NRXN3: variants seen among roughly 807,000 people sequenced by gnomAD.
NRXN3 encodes the protein neurexin 3.
A neutral mutation model predicts 137.6 loss-of-function variants in NRXN3; 32 were observed. The observed-to-expected ratio is 0.23, with a 90% CI of 0.18 to 0.31. NRXN3 has a LOEUF of 0.31. NRXN3 is among the 10% of genes least tolerant of loss of function. The pLI, the probability that NRXN3 is intolerant of heterozygous loss-of-function variation, is 1.00. For synonymous variants in NRXN3, 798 were observed against 784.5 expected (o/e 1.02, Z -0.29); for missense variants, 1,574 against 2,062.5 (o/e 0.76, Z 4.59).
At chr14:79,594,236 T>C (rs1206629064) in intron 16 of NRXN3, among the ~76,000 whole-genome samples, 2 of 152,166 alleles carry the variant, frequency 1.3e-5, no homozygotes, top group Non-Finnish European at 2.9e-5. Context: ...CATAAATGCA[T>C]TGATATTTTA....
chr14:79,659,920 T>C (rs2098525160), intron 16 of NRXN3, among the ~76,000 whole-genome samples: 1 of 152,170 alleles, frequency 6.6e-6, no homozygotes, highest in African/African-American at 2.4e-5. Flanking sequence ...TCCTGATCTG[T>C]TTTATCTCAT....
In NRXN3 at chr14:79,010,589, T is replaced by C. The variant is rs146923042; in HGVS notation, c.3262+22448T>C. On this transcript the variant is annotated intron_variant, in intron 15 of 20. Coordinates refer to ENST00000335750, the MANE Select transcript of NRXN3 (RefSeq NM_001330195.2). ...TATTTCATGGATTTTGTTCTGCCTT[T>C]ATTGACACAGTTAGACATTAAAGAG... Among the ~76,000 whole-genome samples the C allele has an allele frequency of 2.4e-3, 368 of 152,316 alleles. 2 individuals are homozygous for C. The highest frequency in any genetic ancestry group is 8.0e-3 in the African/African-American group (333 of 41,560).
chr14:78,807,009 A>G (rs2098875635), intron 9 of NRXN3, among the ~76,000 whole-genome samples: 1 of 152,232 alleles, frequency 6.6e-6, no homozygotes, highest in Non-Finnish European at 1.5e-5. Context: ...AGCTGGAACT[A>G]GAACCCATGT....
intron 15 of NRXN3, among the ~76,000 whole-genome samples, chr14:79,095,249 T>C (rs1455267084): frequency 6.6e-6 from 1 of 152,170 alleles, no homozygotes; most frequent in Non-Finnish European, 1.5e-5. Context: ...CCAATTTAAC[T>C]TGCTGCCGCT....
At chr14:78,362,732 C>G (rs2085318203) in intron 4 of NRXN3, among the ~76,000 whole-genome samples, 1 of 152,216 alleles carries the variant, frequency 6.6e-6, no homozygotes, top group Admixed American at 6.5e-5. Flanking sequence ...TCCAAGCTCA[C>G]TGTTTTCCCT....
intron 8 of NRXN3, among the ~76,000 whole-genome samples, chr14:78,796,032 A>C (rs1038724085): frequency 2.0e-5 from 3 of 152,210 alleles, no homozygotes; most frequent in Non-Finnish European, 2.9e-5. Context: ...TCAACCCCAG[A>C]AGAGGCAGGC....
Position 78,951,768 on chromosome 14 carries a change from T to C in NRXN3, c.2276-5474T>C, listed in dbSNP as rs115903237. 6.3e-3 allele frequency among the ~76,000 whole-genome samples: 958 copies of C among 152,268 alleles called. 12 individuals are homozygous for C. The highest frequency in any genetic ancestry group is 0.022 in the African/African-American group (923 of 41,540). On this transcript the variant is annotated intron_variant, in intron 10 of 20. Transcript: ENST00000335750. ...AATGTGACCACAGTGCCTGGTTGCCTTCTGATGCTCAATTAGCATTTGTGA... is the reference window on the plus strand; with the variant it reads ...AATGTGACCACAGTGCCTGGTTGCCCTCTGATGCTCAATTAGCATTTGTGA...
At chr14:78,819,796 T>G (rs908957402) in intron 10 of NRXN3, among the ~76,000 whole-genome samples, 1 of 152,176 alleles carries the variant, frequency 6.6e-6, no homozygotes, top group African/African-American at 2.4e-5. Flanking sequence ...GAAAACAGAA[T>G]GTAAGCTCAA....
chr14:78,396,703 T>A (rs2091492334), intron 4 of NRXN3, among the ~76,000 whole-genome samples: 1 of 152,260 alleles, frequency 6.6e-6, no homozygotes, highest in Non-Finnish European at 1.5e-5. Flanking sequence ...ATTCAAATTA[T>A]TTTTCCATTA....
chr14:79,800,487 C>G (rs970609326), intron 19 of NRXN3, among the ~76,000 whole-genome samples: 1 of 152,154 alleles, frequency 6.6e-6, no homozygotes, highest in African/African-American at 2.4e-5. Context: ...ACTAACTGCT[C>G]TTTCTTCTAA....
intron 10 of NRXN3, among the ~76,000 whole-genome samples, chr14:78,878,995 T>A (rs543148777): frequency 6.6e-6 from 1 of 152,274 alleles, no homozygotes; most frequent in African/African-American, 2.4e-5. Context: ...TAACATAATA[T>A]CCTCAAGATT....
At chr14:79,224,908 T>A (rs2153234344) in intron 15 of NRXN3, among the ~76,000 whole-genome samples, 1 of 152,304 alleles carries the variant, frequency 6.6e-6, no homozygotes, top group South Asian at 2.1e-4. Flanking sequence ...GATTTCAGAC[T>A]GTGACCCCCA....
At chr14:79,608,821 T>C (rs1382297981) in intron 16 of NRXN3, among the ~76,000 whole-genome samples, 1 of 152,088 alleles carries the variant, frequency 6.6e-6, no homozygotes, top group Non-Finnish European at 1.5e-5. Flanking sequence ...ACCCCAAACC[T>C]TTATGTAAGA....
intron 15 of NRXN3, among the ~76,000 whole-genome samples, chr14:79,153,594 G>A (rs961231653): frequency 6.6e-6 from 1 of 151,852 alleles, no homozygotes; most frequent in African/African-American, 2.4e-5. Context: ...ATCCTGAGAA[G>A]ACCGTAAACC....
chr14:79,508,390 A>ATTTCTGATTTT (rs1555494789), intron 16 of NRXN3, among the ~76,000 whole-genome samples: 2 of 48,230 alleles, frequency 4.1e-5, no homozygotes, highest in African/African-American at 1.5e-4. Context: ...ACAATAACTG[A>ATTTCTGATTTT]TTTTTTTTTT....
At chr14:79,571,201 G>A (rs1027569194) in intron 16 of NRXN3, among the ~76,000 whole-genome samples, 2 of 152,158 alleles carry the variant, frequency 1.3e-5, no homozygotes, top group African/African-American at 4.8e-5. Flanking sequence ...GCTGTGGCAT[G>A]GCTTAGTGAC....
chr14:79,005,533 C>T (rs7160349), intron 15 of NRXN3, among the ~76,000 whole-genome samples: 5,170 of 152,228 alleles, frequency 0.034, 162 homozygotes, highest in African/African-American at 0.082. Context: ...TATGTTTAAA[C>T]ATCTCAAACC....
chr14:78,775,475 G>GT (rs1417777353), intron 8 of NRXN3, among the ~76,000 whole-genome samples: 2 of 152,044 alleles, frequency 1.3e-5, no homozygotes, highest in Non-Finnish European at 2.9e-5. Context: ...GTATTGTTTT[G>GT]TTTTTTGCCC....
intron 1 of NRXN3, among the ~76,000 whole-genome samples, chr14:78,240,161 G>A (rs1310001598): frequency 1.3e-5 from 2 of 152,208 alleles, no homozygotes; most frequent in Non-Finnish European, 2.9e-5. Context: ...TCACAAGCCT[G>A]TATGAGTTGG....
Sources: gnomAD v4.1 joint callset for allele counts (sites outside exome capture counted in the v4.1 genomes callset) on GRCh38, gnomAD v4.1.1 for gene constraint, MANE v1.5 for transcripts, NCBI Gene and HGNC (gene_info 2026-07-23, HGNC 2026-07-21) for gene names.